ZNF407: variants seen among roughly 807,000 people sequenced by gnomAD.
The protein encoded by ZNF407 is zinc finger protein 407.
A neutral mutation model predicts 131.2 loss-of-function variants in ZNF407; 17 were observed. That is an observed-to-expected ratio of 0.13 (90% CI 0.09 to 0.19). The LOEUF (loss-of-function observed/expected upper bound fraction) is 0.19, where lower values mean the gene tolerates loss of function less well. ZNF407 is among the 10% of genes least tolerant of loss of function. The pLI, the probability that ZNF407 is intolerant of heterozygous loss-of-function variation, is 1.00. For missense variants in ZNF407, 2,681 were observed against 2,830.6 expected (o/e 0.95, Z 1.20); for synonymous variants, 1,156 against 1,062.0 (o/e 1.09, Z -1.72).
At chr18:74,872,121 T>C (rs1243081700) in intron 4 of ZNF407, among the ~76,000 whole-genome samples, 2 of 152,108 alleles carry the variant, frequency 1.3e-5, no homozygotes, top group African/African-American at 4.8e-5. Context: ...ATTTTAGAAC[T>C]ACAGTTAGCA....
At chr18:74,598,319 C>G (rs928753582) in intron 1 of ZNF407, 1 of 152,322 alleles carries the variant, frequency 6.6e-6, no homozygotes, top group African/African-American at 2.4e-5. Context: ...GGCTGCGGAC[C>G]TAGCGTGGCC....
At chr18:74,755,582 G>GTT (rs541126314) in intron 3 of ZNF407, among the ~76,000 whole-genome samples, 12 of 87,338 alleles carry the variant, frequency 1.4e-4, no homozygotes, top group African/African-American at 6.8e-4. Context: ...CTCCTTTCTG[G>GTT]TTTTTTTTTT....
At chr18:74,893,680 G>A (rs746913343) in intron 7 of ZNF407, among the ~76,000 whole-genome samples, 8 of 152,234 alleles carry the variant, frequency 5.3e-5, no homozygotes, top group Non-Finnish European at 7.4e-5. Context: ...TTTGTTCACA[G>A]CATAAATGAA....
At chr18:74,991,403 C>A (rs1349454995) in intron 8 of ZNF407, among the ~76,000 whole-genome samples, 1 of 152,100 alleles carries the variant, frequency 6.6e-6, no homozygotes, top group East Asian at 1.9e-4. Flanking sequence ...TGTTGTGGCA[C>A]CAATAAAATT....
intron 3 of ZNF407, among the ~76,000 whole-genome samples, chr18:74,733,493 ATC>A (rs569877657): frequency 1.3e-5 from 2 of 152,174 alleles, no homozygotes; most frequent in Non-Finnish European, 2.9e-5. Context: ...ATTCCATTTT[ATC>A]TGTTTCTTAT....
intron 3 of ZNF407, among the ~76,000 whole-genome samples, chr18:74,711,318 G>A (rs1208051598): frequency 6.6e-6 from 1 of 152,290 alleles, no homozygotes. Flanking sequence ...GAAAGTTGCA[G>A]TGGAATTTAA....
At chr18:74,804,598 C>G in intron 4 of ZNF407, 1 of 984,866 alleles carries the variant, frequency 1.0e-6, no homozygotes, top group Non-Finnish European at 1.2e-6. Context: ...TCTAAGAAAA[C>G]AGAAAGTAAT....
At chr18:74,793,824 C>T (rs1211743557) in intron 4 of ZNF407, among the ~76,000 whole-genome samples, 1 of 152,116 alleles carries the variant, frequency 6.6e-6, no homozygotes, top group Non-Finnish European at 1.5e-5. Context: ...GAAAGACCTT[C>T]TTAGAGGAGA....
chr18:74,783,950 A>G (rs1302131119), intron 4 of ZNF407, among the ~76,000 whole-genome samples: 1 of 152,238 alleles, frequency 6.6e-6, no homozygotes, highest in African/African-American at 2.4e-5. Context: ...CCCCAGCAGC[A>G]GTATAATTTT....
At chr18:74,989,467 T>C (rs1219308005) in intron 8 of ZNF407, among the ~76,000 whole-genome samples, 1 of 152,230 alleles carries the variant, frequency 6.6e-6, no homozygotes, top group Non-Finnish European at 1.5e-5. Flanking sequence ...TCATAGAGCA[T>C]TTAAGCGAGA....
At chr18:75,025,727 G>A (rs1177708995) in intron 8 of ZNF407, among the ~76,000 whole-genome samples, 1 of 152,182 alleles carries the variant, frequency 6.6e-6, no homozygotes, top group Admixed American at 6.5e-5. Flanking sequence ...AATGCTACTT[G>A]TGGCACTTAC....
At chr18:74,776,499 G>A (rs545135796) in intron 3 of ZNF407, among the ~76,000 whole-genome samples, 47 of 152,168 alleles carry the variant, frequency 3.1e-4, no homozygotes, top group African/African-American at 4.8e-4. Context: ...CCATTTCACC[G>A]TGCTAATCAG....
intron 3 of ZNF407, among the ~76,000 whole-genome samples, chr18:74,651,404 G>A (rs149105679): frequency 1.3e-3 from 198 of 152,244 alleles, no homozygotes; most frequent in African/African-American, 4.6e-3. Flanking sequence ...CTTGTTAAAA[G>A]CTGAAGAAAA....
chr18:74,847,773 A>C (rs778545942), intron 4 of ZNF407, among the ~76,000 whole-genome samples: 1 of 151,900 alleles, frequency 6.6e-6, no homozygotes, highest in Non-Finnish European at 1.5e-5. Flanking sequence ...CCAATCTGAT[A>C]TCTCTTCCTT....
intron 4 of ZNF407, among the ~76,000 whole-genome samples, chr18:74,832,367 C>T (rs919908645): frequency 5.3e-5 from 8 of 151,952 alleles, no homozygotes; most frequent in African/African-American, 1.9e-4. Flanking sequence ...TCTAGTTATA[C>T]GTGAGGGGAA....
In ZNF407 at chr18:75,024,982, T is replaced by C. The variant is rs547154701; in HGVS notation, c.5429-38168T>C. ...AAAAAATGTGTGTTTGCATGAATAA[T>C]GAATCTTTGAATTGTTACTAAACAA... On this transcript the variant is annotated intron_variant, in intron 8 of 8. Coordinates refer to ENST00000299687, the MANE Select transcript of ZNF407 (RefSeq NM_017757.3). Among the ~76,000 whole-genome samples the C allele has an allele frequency of 5.3e-5, 8 of 152,346 alleles. No individual in the cohort carries two copies. In the South Asian group the frequency reaches 1.7e-3, roughly 32 times the overall value.
At chr18:74,867,742 G>C (rs182821904) in intron 4 of ZNF407, among the ~76,000 whole-genome samples, 1 of 152,240 alleles carries the variant, frequency 6.6e-6, no homozygotes, top group Admixed American at 6.5e-5. Context: ...ATTTTATACA[G>C]TAATATTAAT....
chr18:74,920,848 G>T lies in ZNF407; in HGVS notation c.5428+156G>T, dbSNP rs1971837934. On this transcript the variant is annotated intron_variant, in intron 8 of 8. Coordinates refer to ENST00000299687, the MANE Select transcript of ZNF407 (RefSeq NM_017757.3). ...CCTATAGAAAAGTACATTCCAGTTT[G>T]ATCCCACTCAACTATGAAAACAGGA... 9 of 1,282,828 alleles carry T rather than the reference G, an allele frequency of 7.0e-6. No homozygotes were observed. The East Asian group carries it at 2.6e-4, about 37-fold the overall frequency. 79.5% of individuals were successfully genotyped at this position (1,282,828 alleles called of 1,614,324 possible).
chr18:74,721,594 AT>A (rs1051382265), intron 3 of ZNF407, among the ~76,000 whole-genome samples: 6 of 151,984 alleles, frequency 3.9e-5, no homozygotes, highest in East Asian at 1.9e-4. Context: ...TCTGTGAAAA[AT>A]TTTTTTTTAT....
Sources: gnomAD v4.1 joint callset for allele counts (sites outside exome capture counted in the v4.1 genomes callset) on GRCh38, gnomAD v4.1.1 for gene constraint, MANE v1.5 for transcripts, NCBI Gene and HGNC (gene_info 2026-07-23, HGNC 2026-07-21) for gene names.